RB1CC1: variants seen among roughly 807,000 people sequenced by gnomAD.
RB1CC1 encodes RB1 inducible coiled-coil 1.
Under a neutral mutation model 177.5 loss-of-function variants are expected in RB1CC1, and 46 were observed. The ratio of observed to expected loss-of-function variants is 0.26; its 90% CI spans 0.20 to 0.33. RB1CC1 has a LOEUF of 0.33. RB1CC1 is among the 10% of genes least tolerant of loss of function. RB1CC1 has a pLI of 1.00. For missense variants in RB1CC1, 1,703 were observed against 1,816.3 expected (o/e 0.94, Z 1.13); for synonymous variants, 666 against 613.6 (o/e 1.09, Z -1.26).
intron 1 of RB1CC1, among the ~76,000 whole-genome samples, chr8:52,703,440 T>A (rs1856271147): frequency 6.6e-6 from 1 of 152,212 alleles, no homozygotes. Flanking sequence ...CACTCCACTA[T>A]TTCCTTTATT....
chr8:52,632,078 T>C (rs1848805671), intron 20 of RB1CC1, among the ~76,000 whole-genome samples: 1 of 152,200 alleles, frequency 6.6e-6, no homozygotes, highest in South Asian at 2.1e-4. Flanking sequence ...ATGAGCACAA[T>C]CAAATGGTAC....
intron 2 of RB1CC1, among the ~76,000 whole-genome samples, chr8:52,686,369 C>A (rs970659727): frequency 6.6e-6 from 1 of 152,150 alleles, no homozygotes; most frequent in Non-Finnish European, 1.5e-5. Context: ...CACAGCAACA[C>A]CCTGTCTGCA....
At chr8:52,658,829 C>T (rs1181834458) in intron 13 of RB1CC1, 44 bp downstream of exon 13, 2 of 1,373,916 alleles carry the variant, frequency 1.5e-6, no homozygotes, top group African/African-American at 3.0e-5. Flanking sequence ...ATAATAAAAA[C>T]ATTTTAAGGT....
In RB1CC1 at chr8:52,674,234, A is replaced by G; in HGVS notation, c.613T>C (p.Leu205=). 6.2e-7 allele frequency: 1 copy of G among 1,612,012 alleles called. No individual in the cohort carries two copies. Among genetic ancestry groups the G allele is most frequent in the Non-Finnish European group, 8.5e-7 (1 of 1,178,032 alleles). The change falls in exon 7 of 24, where the codon TTG becomes CTG. Residue 205 remains leucine (L), a synonymous_variant. Coordinates refer to ENST00000025008, the MANE Select transcript of RB1CC1 (RefSeq NM_014781.5). ...TAACTATGTCTGGTTAGGCACTCCAACAGTGGAATCTTGGCCATTACTGAA... is the reference window on the plus strand; with the variant it reads ...TAACTATGTCTGGTTAGGCACTCCAGCAGTGGAATCTTGGCCATTACTGAA... ...AVSVMAKIPL[L]ECLTRHSYRE... is the part of the protein sequence containing the mutation.
chr8:52,709,584 C>T (rs539311687), intron 1 of RB1CC1, among the ~76,000 whole-genome samples: 13 of 152,184 alleles, frequency 8.5e-5, no homozygotes, highest in Admixed American at 7.9e-4. Context: ...ACTAAGAATA[C>T]AAGAATTAGT....
intron 15 of RB1CC1, among the ~76,000 whole-genome samples, chr8:52,650,951 T>C (rs1013841313): frequency 1.3e-5 from 2 of 152,304 alleles, no homozygotes; most frequent in Admixed American, 6.5e-5. Context: ...GATGATCCTT[T>C]TCAACAACCT....
intron 13 of RB1CC1, among the ~76,000 whole-genome samples, 197 bp from the exon 14 acceptor site, chr8:52,658,321 A>G (rs1046548979): frequency 6.6e-6 from 1 of 152,144 alleles, no homozygotes; most frequent in South Asian, 2.1e-4. Flanking sequence ...GATCACACCT[A>G]TAATCCAAGC....
At chr8:52,623,925 C>T in intron 23 of RB1CC1, 66 bp from the exon 24 acceptor site, 1 of 1,014,556 alleles carries the variant, frequency 9.9e-7, no homozygotes, top group Non-Finnish European at 1.5e-6. Flanking sequence ...CTCACACACA[C>T]ACACACACAC....
rs2150501386 is a variant in RB1CC1 at position 52,661,258 on chromosome 8, T to C, written c.1382A>G (p.His461Arg). 4 of 1,613,518 alleles carry C rather than the reference T, an allele frequency of 2.5e-6. No individual in the cohort carries two copies. Among genetic ancestry groups the C allele is most frequent in the African/African-American group, 1.3e-5 (1 of 75,000 alleles). ...RLKWCCFVML[H>R]ADQDGEKLQA... ...TAACTTCTCTCCATCTTGATCAGCA[T>C]GAAGCATTACAAAGCAACACCACCT... is the stretch of plus-strand genomic sequence containing the variant. The change falls in exon 10 of 24, where the codon CAT (histidine) becomes CGT (arginine). Residue 461 changes from histidine (H) to arginine (R), a missense_variant. Transcript: ENST00000025008.
intron 15 of RB1CC1, among the ~76,000 whole-genome samples, chr8:52,647,971 G>A (rs910724395): frequency 6.6e-6 from 1 of 152,082 alleles, no homozygotes; most frequent in South Asian, 2.1e-4. Context: ...AGAGAGGAAG[G>A]GGAGGCCATG....
intron 18 of RB1CC1, among the ~76,000 whole-genome samples, chr8:52,640,650 TA>T (rs1367020272): frequency 1.3e-5 from 2 of 152,326 alleles, no homozygotes; most frequent in East Asian, 1.9e-4. Flanking sequence ...AAGTTGGATA[TA>T]TTTTTTTAAA....
At chr8:52,653,879 G>A (rs1272313281) in intron 15 of RB1CC1, among the ~76,000 whole-genome samples, 2 of 152,134 alleles carry the variant, frequency 1.3e-5, no homozygotes, top group Non-Finnish European at 2.9e-5. Flanking sequence ...TACTCACCCT[G>A]TACATCCTTA....
chr8:52,703,011 A>T (rs1445930812), intron 1 of RB1CC1, among the ~76,000 whole-genome samples: 1 of 152,196 alleles, frequency 6.6e-6, no homozygotes, highest in East Asian at 1.9e-4. Flanking sequence ...TAAGCAAATG[A>T]CAAAGCAGAA....
chr8:52,645,034 G>T (rs1344016246), intron 16 of RB1CC1, among the ~76,000 whole-genome samples: 1 of 152,124 alleles, frequency 6.6e-6, no homozygotes, highest in African/African-American at 2.4e-5. Context: ...TTATGCCATT[G>T]TAATTAGTTG....
chr8:52,665,567 T>G (rs1355078786), intron 8 of RB1CC1, among the ~76,000 whole-genome samples: 1 of 152,130 alleles, frequency 6.6e-6, no homozygotes, highest in East Asian at 1.9e-4. Context: ...AAAAGAAGTA[T>G]GGTTAAATAA....
At chr8:52,685,071 T>A (rs1854141250) in intron 3 of RB1CC1, among the ~76,000 whole-genome samples, 1 of 151,124 alleles carries the variant, frequency 6.6e-6, no homozygotes, top group South Asian at 2.1e-4. Flanking sequence ...GGTGCGATCT[T>A]GACTCACTGC....
intron 1 of RB1CC1, among the ~76,000 whole-genome samples, chr8:52,706,330 G>C (rs1024087005): frequency 2.0e-5 from 3 of 150,316 alleles, no homozygotes; most frequent in African/African-American, 7.3e-5. Context: ...TTCCCTAAAT[G>C]GTCATTCATG....
intron 15 of RB1CC1, among the ~76,000 whole-genome samples, chr8:52,646,220 TG>T (rs1412555856): frequency 6.6e-6 from 1 of 152,084 alleles, no homozygotes; most frequent in African/African-American, 2.4e-5. Flanking sequence ...CCTAGCACTT[TG>T]GGAGGCCCAG....
chr8:52,702,252 A>G (rs1856148728), intron 1 of RB1CC1, among the ~76,000 whole-genome samples: 1 of 152,234 alleles, frequency 6.6e-6, no homozygotes, highest in Non-Finnish European at 1.5e-5. Context: ...ACCAGGATGA[A>G]TAAAATATAC....
Sources: allele counts gnomAD v4.1 joint callset (sites outside exome capture counted in the v4.1 genomes callset), GRCh38; gene constraint gnomAD v4.1.1; transcripts MANE v1.5; gene names NCBI Gene and HGNC (gene_info 2026-07-23, HGNC 2026-07-21).